C16orf96: variants seen among roughly 807,000 people sequenced by gnomAD.
The protein encoded by C16orf96 is uncharacterized protein C16orf96.
C16orf96 carries 108 observed loss-of-function variants against 103.6 expected under a neutral mutation model. That is an observed-to-expected ratio of 1.04 (90% CI 0.89 to 1.22). The LOEUF (loss-of-function observed/expected upper bound fraction) is 1.22. C16orf96 is among the 50% of genes most tolerant of loss of function. The pLI, the probability that C16orf96 is intolerant of heterozygous loss-of-function variation, is 0.00. For missense variants in C16orf96, 1,586 were observed against 1,464.2 expected, an observed-to-expected ratio of 1.08 and a Z score of -1.36; for synonymous variants, 566 against 593.5, an observed-to-expected ratio of 0.95 and a Z score of 0.67.
At chr16:4,552,396 C>T (rs1006736207), upstream of C16orf96, among the ~76,000 whole-genome samples, 1 of 149,642 alleles carries the variant, frequency 6.7e-6, no homozygotes, top group Non-Finnish European at 1.5e-5. Flanking sequence ...GCAGGAGAGT[C>T]GCTTGAACCC....
intron 7 of C16orf96, among the ~76,000 whole-genome samples, chr16:4,583,369 G>A (rs1896839101): frequency 6.6e-6 from 1 of 151,986 alleles, no homozygotes; most frequent in African/African-American, 2.4e-5. Context: ...AGCCAGATGT[G>A]GCAGCGTACG....
At chr16:4,565,373 G>A (rs896024213) in intron 1 of C16orf96, among the ~76,000 whole-genome samples, 1 of 152,154 alleles carries the variant, frequency 6.6e-6, no homozygotes, top group African/African-American at 2.4e-5. Flanking sequence ...TCTTCCCCAG[G>A]ACAGGAGTCC....
chr16:4,599,181 G>C (rs1454601804), intron 14 of C16orf96, 103 bp from the exon 15 acceptor site: 9 of 906,536 alleles, frequency 9.9e-6, no homozygotes, highest in Non-Finnish European at 1.8e-6. Context: ...CCTGGGAAAT[G>C]GGGTTGGTCC....
chr16:4,567,545 A>G (rs1449662922), intron 1 of C16orf96, among the ~76,000 whole-genome samples: 2 of 151,050 alleles, frequency 1.3e-5, no homozygotes, highest in Non-Finnish European at 3.0e-5. Flanking sequence ...GGCCTCCCAA[A>G]GTGCTGGGAT....
Position 4,600,289 on chromosome 16 carries a change from A to T in C16orf96, c.3398A>T (p.Lys1133Met). Residue 1133 changes from lysine (K) to methionine (M), a missense_variant, in exon 16 of 16, where the codon AAG becomes ATG. Lys to Met is a moderately conservative substitution (Grantham distance 95). Transcript: ENST00000444310. ...APHIESRVGR[K>M]PPEEPANP The stretch of plus-strand genomic sequence containing the variant: ...CACATTGAGTCCCGAGTCGGCAGGA[A>T]GCCCCCCGAGGAGCCCGCCAACCCG... 6.4e-7 allele frequency: 1 copy of T among 1,550,634 alleles called. No homozygotes were observed. The highest frequency in any genetic ancestry group is 8.7e-7 in the Non-Finnish European group (1 of 1,146,860).
intron 1 of C16orf96, among the ~76,000 whole-genome samples, chr16:4,564,301 C>T (rs1384280531): frequency 3.3e-5 from 5 of 152,120 alleles, no homozygotes; most frequent in African/African-American, 1.2e-4. Context: ...CATTGTCAGA[C>T]TTGGTTGGAT....
At chr16:4,557,038 T>G in intron 1 of C16orf96, 129 bp downstream of exon 1, 1 of 1,062,342 alleles carries the variant, frequency 9.4e-7, no homozygotes. Context: ...GGTGTGATCT[T>G]GGCTCACTGC....
chr16:4,556,982 G>A (rs28377843), intron 1 of C16orf96, 73 bp downstream of exon 1: 1 of 1,430,630 alleles, frequency 7.0e-7, no homozygotes, highest in Non-Finnish European at 9.2e-7. Context: ...TCTTTTTTTT[G>A]TTTTTGAGAC....
chr16:4,547,701 T>C, the C16orf96 span, among the ~76,000 whole-genome samples: 707 of 36,176 alleles, frequency 0.02, 4 homozygotes, highest in Admixed American at 0.039. Flanking sequence ...TCTTTCTTTC[T>C]TTCTTTCTTT....
intron 8 of C16orf96, 65 bp downstream of exon 8, chr16:4,587,178 C>T: frequency 1.5e-6 from 2 of 1,377,216 alleles, no homozygotes; most frequent in Non-Finnish European, 1.0e-6. Context: ...ACCATCCAGG[C>T]AAAGCCCACC....
chr16:4,556,691 C>G lies in C16orf96; in HGVS notation c.202C>G (p.Gln68Glu). The change falls in exon 1 of 16, where the codon CAG (glutamine) becomes GAG (glutamate). Residue 68 changes from glutamine to glutamate, a missense_variant. Physicochemically the swap from Gln to Glu is conservative, Grantham distance 29 (BLOSUM62 2). Transcript: ENST00000444310. ...VVIMPREGDA[Q>E]PILNPMKRLS... ...CATCATGCCCAGGGAAGGAGACGCC[C>G]AGCCTATCCTCAACCCCATGAAGAG... is the stretch of plus-strand genomic sequence containing the variant. The G allele has an allele frequency of 1.3e-6, 2 of 1,551,556 alleles. No homozygotes were observed. The highest frequency in any genetic ancestry group is 1.7e-6 in the Non-Finnish European group (2 of 1,146,832).
chr16:4,579,077 T>C, intron 6 of C16orf96, 52 bp downstream of exon 6: 1 of 1,488,046 alleles, frequency 6.7e-7, no homozygotes, highest in Non-Finnish European at 9.2e-7. Flanking sequence ...TGAGGTGAGC[T>C]GGCTGAAGAC....
rs1266853894 is a variant in C16orf96, at chr16:4,600,499, AT to A, written c.*183del. 4.7e-5 allele frequency: 16 copies of A among 339,440 alleles called. No individual in the cohort carries two copies. The highest frequency in any genetic ancestry group is 7.6e-5 in the Non-Finnish European group (15 of 198,288). 21.0% of individuals were successfully genotyped at this position (339,440 alleles called of 1,614,324 possible). A position where few individuals can be genotyped will look rare whatever the true frequency, so the allele number is the denominator to read the frequency against. ...GGCTGAGGCTCATGCGCCCCCCCCC[AT>A]CCCTACCAAGTCCCCTCCACGTCCG... is the stretch of plus-strand genomic sequence containing the variant. On this transcript the variant is annotated 3_prime_UTR_variant, in exon 16 of 16. Transcript: ENST00000444310.
chr16:4,559,483 G>A (rs1176106333), intron 1 of C16orf96, among the ~76,000 whole-genome samples: 1 of 152,014 alleles, frequency 6.6e-6, no homozygotes, highest in Non-Finnish European at 1.5e-5. Flanking sequence ...CCCTGGAGGT[G>A]GAGGTTCTAG....
At chr16:4,566,875 T>G (rs1331165885) in intron 1 of C16orf96, among the ~76,000 whole-genome samples, 2 of 152,124 alleles carry the variant, frequency 1.3e-5, no homozygotes, top group African/African-American at 4.8e-5. Context: ...TCATTTCTGA[T>G]TCTAATAATT....
intron 2 of C16orf96, among the ~76,000 whole-genome samples, chr16:4,573,607 C>G (rs1199038855): frequency 1.3e-5 from 2 of 150,982 alleles, no homozygotes; most frequent in African/African-American, 4.9e-5. Flanking sequence ...AAAAAATTAG[C>G]TGGATGTGGT....
intron 1 of C16orf96, among the ~76,000 whole-genome samples, chr16:4,568,607 T>C (rs2059405309): frequency 6.7e-6 from 1 of 148,276 alleles, no homozygotes; most frequent in Non-Finnish European, 1.5e-5. Flanking sequence ...GCTCTTCTTT[T>C]TTTCTTTTTC....
intron 7 of C16orf96, among the ~76,000 whole-genome samples, 194 bp from the exon 8 acceptor site, chr16:4,586,845 C>T (rs559447301): frequency 2.0e-5 from 3 of 152,300 alleles, no homozygotes; most frequent in Middle Eastern, 3.4e-3. Flanking sequence ...TGTCCCAAGT[C>T]GCACGTTCCT....
At chr16:4,560,010 C>CATTTTTATTTT in intron 1 of C16orf96, 1 of 151,876 alleles carries the variant, frequency 6.6e-6, no homozygotes. Flanking sequence ...TTGCACACTT[C>CATTTTTATTTT]ATTTTTATTT....
Sources: allele counts gnomAD v4.1 joint callset (sites outside exome capture counted in the v4.1 genomes callset), GRCh38; gene constraint gnomAD v4.1.1; transcripts MANE v1.5; gene names NCBI Gene and HGNC (gene_info 2026-07-23, HGNC 2026-07-21).